The following LDB3 variants were observed in gnomAD, a reference collection of about 807,000 sequenced individuals.
LDB3 encodes LIM domain binding 3, also known as LIM domain-binding protein 3.
A neutral mutation model predicts 69.0 loss-of-function variants in LDB3; 49 were observed. The ratio of observed to expected loss-of-function variants is 0.71; its 90% CI spans 0.56 to 0.90. LDB3 has a LOEUF of 0.90. LDB3 is among the 40% of genes least tolerant of loss of function. The pLI is 0.00. For missense variants in LDB3, 928 were observed against 974.1 expected (o/e 0.95, Z 0.63); for synonymous variants, 387 against 396.2 (o/e 0.98, Z 0.28).
intron 8 of LDB3, among the ~76,000 whole-genome samples, chr10:86,707,000 G>A (rs1439245276): frequency 6.6e-6 from 1 of 152,160 alleles, no homozygotes; most frequent in African/African-American, 2.4e-5. Flanking sequence ...ACCAGTGAGA[G>A]AGGTAACAGT....
chr10:86,728,820 G>A (rs1474273601), intron 13 of LDB3, among the ~76,000 whole-genome samples: 2 of 151,784 alleles, frequency 1.3e-5, no homozygotes, highest in East Asian at 1.9e-4. Flanking sequence ...GACCTCATGA[G>A]CCACCCACCT....
chr10:86,693,020 C>A (rs1589645958), intron 7 of LDB3, among the ~76,000 whole-genome samples: 1 of 152,196 alleles, frequency 6.6e-6, no homozygotes, highest in Admixed American at 6.5e-5. Flanking sequence ...GACCCCTGGA[C>A]TCACCTGTCC....
rs909135290 is a variant in LDB3 at position 86,733,850 on chromosome 10, G to A, written c.*874G>A. ...TTTAGCTTTAAGGGTTCGTTAGCAT[G>A]AGTGTCCAGTCGTGTGCATGAATTT... On this transcript the variant is annotated 3_prime_UTR_variant, in exon 14 of 14. Coordinates refer to ENST00000361373, the MANE Select transcript of LDB3 (RefSeq NM_007078.3). 1 of 150,358 alleles carries A rather than the reference G, an allele frequency of 6.7e-6. No individual in the cohort carries two copies. The highest frequency in any genetic ancestry group is 2.5e-5 in the African/African-American group (1 of 39,608). The allele number at this position is 150,358 out of a possible 1,614,324, so 9.3% of individuals were successfully genotyped here. A position where few individuals can be genotyped will look rare whatever the true frequency, so the allele number is the denominator to read the frequency against.
rs3740343 is a variant in LDB3, at chr10:86,679,436, G to A, written c.163G>A (p.Val55Ile). The change falls in exon 3 of 14, where the codon GTC becomes ATC. Residue 55 changes from valine to isoleucine, a missense_variant. Val to Ile is a conservative substitution (Grantham distance 29, BLOSUM62 3). Coordinates refer to ENST00000361373, the MANE Select transcript of LDB3 (RefSeq NM_007078.3). ...QGDLVVAIDG[V>I]NTDTMTHLEA... Reference sequence around the variant, plus strand: ...TGACCTCGTGGTGGCCATTGACGGCGTCAACACAGACACCATGACCCACCT... The same window carrying A: ...TGACCTCGTGGTGGCCATTGACGGCATCAACACAGACACCATGACCCACCT... 2.3e-3 allele frequency: 3,762 copies of A among 1,614,106 alleles called. 127 individuals are homozygous for A. In the East Asian group the frequency reaches 0.059, roughly 25 times the overall value.
intron 8 of LDB3, among the ~76,000 whole-genome samples, chr10:86,708,377 C>A (rs75684890): frequency 4.9e-4 from 74 of 152,316 alleles, no homozygotes; most frequent in African/African-American, 1.7e-3. Flanking sequence ...GGCAAATGGA[C>A]TCCCCAGCCT....
rs566629837 is a variant in LDB3, at chr10:86,692,311, G to A, written c.860-224G>A. ...GCAGCAGGCTTGGTGTGCAACTTCC[G>A]GGCGAGATGATTGCCCAGGGCTGGG... On this transcript the variant is annotated intron_variant, in intron 6 of 13. Coordinates refer to ENST00000361373, the MANE Select transcript of LDB3 (RefSeq NM_007078.3). Among the ~76,000 whole-genome samples the A allele has an allele frequency of 5.9e-5, 9 of 152,366 alleles. No individual in the cohort carries two copies. In the East Asian group the frequency reaches 7.7e-4, roughly 13 times the overall value.
chr10:86,687,974 T>A (rs1341090600), intron 5 of LDB3, among the ~76,000 whole-genome samples: 1 of 152,194 alleles, frequency 6.6e-6, no homozygotes, highest in Non-Finnish European at 1.5e-5. Context: ...CGTGTCTCTG[T>A]GTCTCCCTCT....
At chr10:86,721,564 C>T (rs993947567) in intron 12 of LDB3, among the ~76,000 whole-genome samples, 1 of 152,214 alleles carries the variant, frequency 6.6e-6, no homozygotes, top group African/African-American at 2.4e-5. Flanking sequence ...TTCAGACCTA[C>T]CTCAGACCCA....
chr10:86,733,609 T>C lies in LDB3; in HGVS notation c.*633T>C, dbSNP rs1004009550. On this transcript the variant is annotated 3_prime_UTR_variant, in exon 14 of 14. Transcript: ENST00000361373. ...ATGTCTTCTGGGAGCCACTGGGCAA[T>C]TGCCAGGGCTCCAGGAAGGGCTCTG... 3 of 152,644 alleles carry C rather than the reference T, an allele frequency of 2.0e-5. No homozygotes were observed. The highest frequency in any genetic ancestry group is 7.2e-5 in the African/African-American group (3 of 41,460). The allele number at this position is 152,644 out of a possible 1,614,324, so 9.5% of individuals were successfully genotyped here.
intron 5 of LDB3, among the ~76,000 whole-genome samples, chr10:86,686,806 CAA>C (rs3086887): frequency 2.0e-4 from 27 of 133,106 alleles, no homozygotes; most frequent in African/African-American, 2.8e-4. Context: ...GACCCTGTAT[CAA>C]AAAAAAAAAA....
chr10:86,674,134 C>T (rs1228438545), intron 2 of LDB3, among the ~76,000 whole-genome samples: 2 of 152,132 alleles, frequency 1.3e-5, no homozygotes, highest in African/African-American at 4.8e-5. Flanking sequence ...AGCCAGCCAG[C>T]CTCACACCTT....
At chr10:86,732,487 G>A in intron 13 of LDB3, 1 of 450,164 alleles carries the variant, frequency 2.2e-6, no homozygotes, top group South Asian at 1.6e-5. Flanking sequence ...TAGAATGCAT[G>A]GGGCAAGGCT....
At chr10:86,704,068 C>G (rs1308538008) in intron 7 of LDB3, among the ~76,000 whole-genome samples, 6 of 151,280 alleles carry the variant, frequency 4.0e-5, no homozygotes, top group Non-Finnish European at 2.9e-5. Context: ...GAGCCGAGAT[C>G]GCGACATTGC....
chr10:86,680,962 C>A (rs1344718298), intron 4 of LDB3, among the ~76,000 whole-genome samples: 3 of 152,196 alleles, frequency 2.0e-5, no homozygotes, highest in Non-Finnish European at 2.9e-5. Context: ...ACTGAGGGGC[C>A]CAAATGTGAG....
chr10:86,695,333 G>A (rs567942994), intron 7 of LDB3, among the ~76,000 whole-genome samples: 3 of 152,272 alleles, frequency 2.0e-5, no homozygotes, highest in African/African-American at 7.2e-5. Flanking sequence ...AGAGTCCCAG[G>A]GCAGCTCACA....
At position 86,699,748 on chromosome 10, in the gene LDB3, C is replaced by T. The variant is rs1242892350; in HGVS notation, c.897-6783C>T. 11 of 1,118,906 alleles carry T rather than the reference C, an allele frequency of 9.8e-6. No homozygotes were observed. Among genetic ancestry groups the T allele is most frequent in the Non-Finnish European group, 1.2e-5 (11 of 907,430 alleles). 69.3% of individuals were successfully genotyped at this position (1,118,906 alleles called of 1,614,324 possible). On this transcript the variant is annotated intron_variant, in intron 7 of 13. Coordinates refer to ENST00000361373, the MANE Select transcript of LDB3 (RefSeq NM_007078.3). This position sits in a 1 kb window ranked among gnomAD's most constrained non-coding sequence, Gnocchi z 4.9. The stretch of plus-strand genomic sequence containing the variant: ...GGCCGCTGCTCAGTTTCCCACCATC[C>T]TCAGCTCCTGGCCTCATCCCCTCCT...
chr10:86,668,843 A>ATGTGTGTCCGTCTGTC (rs1844298917), intron 2 of LDB3, 59 bp downstream of exon 2: 1 of 1,274,728 alleles, frequency 7.8e-7, no homozygotes, highest in East Asian at 2.3e-5. Context: ...GGAGGAGGGC[A>ATGTGTGTCCGTCTGTC]TGTGTGTCCG....
Position 86,718,775 on chromosome 10 carries a change from TG to T in LDB3, c.1907del (p.Cys636LeufsTer67), listed in dbSNP as rs1846968459. On this transcript the variant is annotated frameshift_variant, in exon 12 of 14. Transcript: ENST00000361373. LOFTEE classifies it high-confidence loss of function. ...GACATGGCACACCACCTGCTTCGTC[TG>T]TGCGGCCTGCAAGAAGCCTTTTGGG... ...RQTWHTTCFV[C>X]AACKKPFGNS... The T allele has an allele frequency of 1.9e-6, 3 of 1,614,186 alleles. No homozygotes were observed. Among genetic ancestry groups the T allele is most frequent in the Non-Finnish European group, 2.5e-6 (3 of 1,180,026 alleles).
chr10:86,699,189 A>C lies in LDB3; in HGVS notation c.896+6618A>C, dbSNP rs1846142358. The C allele has an allele frequency of 4.8e-6, 7 of 1,452,152 alleles. No individual in the cohort carries two copies. Among genetic ancestry groups the C allele is most frequent in the Non-Finnish European group, 6.7e-6 (7 of 1,043,190 alleles). 90.0% of individuals were successfully genotyped at this position (1,452,152 alleles called of 1,614,324 possible). ...CAGGGGAATGGTGAACACATTCCCT[A>C]ACCCCTTTCATTCTCCCTCTCTTCT... On this transcript the variant is annotated intron_variant, in intron 7 of 13. Transcript: ENST00000361373. The surrounding 1 kb of genome is among the most constrained non-coding windows in gnomAD (Gnocchi z 4.9).
Sources: gnomAD v4.1 joint callset for allele counts (sites outside exome capture counted in the v4.1 genomes callset) on GRCh38, gnomAD v4.1.1 for gene constraint, Gnocchi (gnomAD v3.1) non-coding constraint, MANE v1.5 for transcripts, NCBI Gene and HGNC (gene_info 2026-07-23, HGNC 2026-07-21) for gene names.